Variants in C12orf76 observed in about 807,000 individuals in gnomAD.
The protein encoded by C12orf76 is chromosome 12 open reading frame 76.
C12orf76 carries 6 observed loss-of-function variants against 6.8 expected under a neutral mutation model. That is an observed-to-expected ratio of 0.88 (90% CI 0.48 to 1.73). The LOEUF (loss-of-function observed/expected upper bound fraction) is 1.73. Among genes scored for constraint, C12orf76 ranks in the 40% most tolerant of loss-of-function variants. C12orf76 has a pLI of 0.01. For missense variants in C12orf76, 99 were observed against 98.2 expected (o/e 1.01, Z -0.03); for synonymous variants, 56 against 43.7 (o/e 1.28, Z -1.11).
chr12:110,042,375 C>T lies in C12orf76; in HGVS notation c.218G>A (p.Ter73=), dbSNP rs368304966. Reference sequence around the variant, plus strand: ...CTCATTGAAGAACTTGTCTGGCTGTCACCGACGCCGAATGGGCTTGTAGAC... The same window carrying T: ...CTCATTGAAGAACTTGTCTGGCTGTTACCGACGCCGAATGGGCTTGTAGAC... ...FCVYKPIRRR[*] The change falls in exon 2 of 2, where the codon TGA becomes TAA. Residue 73 remains the stop codon, a stop_retained_variant. Transcript: ENST00000615315. 1.2e-6 allele frequency: 2 copies of T among 1,613,300 alleles called. No individual in the cohort carries two copies. Among genetic ancestry groups the T allele is most frequent in the African/African-American group, 2.7e-5 (2 of 74,914 alleles).
chr12:110,065,633 C>T (rs1892846049), intron 2 of C12orf76, among the ~76,000 whole-genome samples: 1 of 152,154 alleles, frequency 6.6e-6, no homozygotes, highest in Non-Finnish European at 1.5e-5. Context: ...GTCTCCATCC[C>T]TTGCATCTGG....
intron 3 of C12orf76, among the ~76,000 whole-genome samples, chr12:110,057,893 G>A (rs532872273): frequency 3.3e-5 from 5 of 151,548 alleles, no homozygotes; most frequent in South Asian, 4.2e-4. Context: ...GCAAAACCCC[G>A]TCTTTACTAA....
At chr12:110,053,775 G>T (rs1566075528), upstream of C12orf76, among the ~76,000 whole-genome samples, 1 of 152,116 alleles carries the variant, frequency 6.6e-6, no homozygotes, top group Admixed American at 6.6e-5. Context: ...TGGATAAATT[G>T]TTGGATTCAT....
chr12:110,066,629 C>T (rs1388557787), intron 1 of C12orf76, among the ~76,000 whole-genome samples: 1 of 151,544 alleles, frequency 6.6e-6, no homozygotes, highest in African/African-American at 2.4e-5. Flanking sequence ...CGGAGGTTGC[C>T]GTGAGCCAAG....
chr12:110,044,624 C>G (rs953636637), intron 1 of C12orf76: 4 of 154,014 alleles, frequency 2.6e-5, no homozygotes, highest in African/African-American at 9.6e-5. Flanking sequence ...CTGTGACCCC[C>G]CCACCCCACA....
upstream of C12orf76, chr12:110,051,184 A>G (rs1437665190): frequency 1.3e-6 from 1 of 778,308 alleles, no homozygotes; most frequent in Non-Finnish European, 2.4e-6. Flanking sequence ...CAGGCACAGG[A>G]AAGCATCAAT....
In C12orf76 at chr12:110,048,402, G is replaced by C. The variant is rs940991919; in HGVS notation, c.94C>G (p.Arg32Gly). 6.6e-6 allele frequency: 10 copies of C among 1,515,712 alleles called. No individual in the cohort carries two copies. Among genetic ancestry groups the C allele is most frequent in the Non-Finnish European group, 8.8e-6 (10 of 1,137,076 alleles). 93.9% of individuals were successfully genotyped at this position (1,515,712 alleles called of 1,614,324 possible). ...CGCAGCACCGCGTACGGCCGGCTCC[G>C]CTCCAGCGGATCCACGGGGCTCGGG... ...EAPSPVDPLE[R>G]SRPYAVLRGQ... The change falls in exon 1 of 2, where the codon CGG becomes GGG. Residue 32 changes from arginine to glycine, a missense_variant. Arg to Gly is a moderately radical substitution (Grantham distance 125). Coordinates refer to ENST00000615315, the MANE Select transcript of C12orf76 (RefSeq NM_001389625.1).
At chr12:110,053,188 C>CAA (rs1194301989), upstream of C12orf76, among the ~76,000 whole-genome samples, 24 of 86,612 alleles carry the variant, frequency 2.8e-4, no homozygotes, top group African/African-American at 8.3e-4. Flanking sequence ...TAGACTGTCT[C>CAA]AAAAAAAAAA....
chr12:110,069,412 C>T (rs1322007675), upstream of C12orf76, among the ~76,000 whole-genome samples: 4 of 152,218 alleles, frequency 2.6e-5, no homozygotes, highest in African/African-American at 9.6e-5. Flanking sequence ...CGCACTCCAG[C>T]CTGGGTGACA....
chr12:110,070,929 C>T (rs1892954527), upstream of C12orf76, among the ~76,000 whole-genome samples: 1 of 152,132 alleles, frequency 6.6e-6, no homozygotes, highest in African/African-American at 2.4e-5. Flanking sequence ...CACACACTAC[C>T]CCGCCCAACT....
At chr12:110,065,037 T>C (rs1390773343) in intron 2 of C12orf76, among the ~76,000 whole-genome samples, 1 of 152,188 alleles carries the variant, frequency 6.6e-6, no homozygotes, top group Non-Finnish European at 1.5e-5. Context: ...GTGTTAGACA[T>C]GAACAAAGGG....
At chr12:110,070,650 T>G (rs191266729), upstream of C12orf76, among the ~76,000 whole-genome samples, 1 of 152,318 alleles carries the variant, frequency 6.6e-6, no homozygotes, top group East Asian at 1.9e-4. Context: ...CTACATGGAA[T>G]TATGACATGT....
chr12:110,058,218 A>T (rs1278465902), intron 3 of C12orf76, among the ~76,000 whole-genome samples: 1 of 152,178 alleles, frequency 6.6e-6, no homozygotes, highest in African/African-American at 2.4e-5. Context: ...GCCACACTAC[A>T]GGCTGCAGGC....
exon 4 of C12orf76, chr12:110,057,231 G>C: frequency 1.2e-6 from 2 of 1,614,150 alleles, no homozygotes; most frequent in South Asian, 1.1e-5. Context: ...AGCATGGTTA[G>C]ATTGTTCTTC....
upstream of C12orf76, chr12:110,048,529 T>G (rs1422687984): frequency 7.2e-7 from 1 of 1,381,304 alleles, no homozygotes; most frequent in Non-Finnish European, 9.4e-7. Flanking sequence ...AGAGGCCACT[T>G]CCGTCGCAAG....
Position 110,048,418 on chromosome 12 carries a change from G to C in C12orf76, c.78C>G (p.Pro26=), listed in dbSNP as rs1313936914. 3 of 1,515,062 alleles carry C rather than the reference G, an allele frequency of 2.0e-6. No homozygotes were observed. Among genetic ancestry groups the C allele is most frequent in the African/African-American group, 2.8e-5 (2 of 71,048 alleles). The allele number at this position is 1,515,062 out of a possible 1,614,324, so 93.9% of individuals were successfully genotyped here. The part of the protein sequence containing the change: ...LLVGEAEAPS[P]VDPLERSRPY... ...GCCGGCTCCGCTCCAGCGGATCCAC[G>C]GGGCTCGGGGCCTCTGCCTCCCCCA... is the stretch of plus-strand genomic sequence containing the variant. Residue 26 remains proline, a synonymous_variant, in exon 1 of 2, where the codon CCC becomes CCG. Coordinates refer to ENST00000615315, the MANE Select transcript of C12orf76 (RefSeq NM_001389625.1).
chr12:110,068,274 GAAGAAGAAGAAGAAGAA>G (rs1892908826), upstream of C12orf76, among the ~76,000 whole-genome samples: 1 of 133,548 alleles, frequency 7.5e-6, no homozygotes, highest in African/African-American at 2.7e-5. Context: ...AGAAGAAGAA[GAAGAAGAAGAAGAAGAA>G]GAAGAAGAAG....
upstream of C12orf76, chr12:110,048,826 T>G (rs1421154075): frequency 1.6e-5 from 4 of 252,390 alleles, no homozygotes; most frequent in South Asian, 3.1e-4. Context: ...TATTGAAGAT[T>G]TTTTACGAAT....
chr12:110,048,601 C>T (rs982639023), upstream of C12orf76: 59 of 1,317,592 alleles, frequency 4.5e-5, no homozygotes, highest in African/African-American at 3.1e-4. Context: ...GGGCGCGCGT[C>T]ATTGCCATGG....
Sources: gnomAD v4.1 joint callset for allele counts (sites outside exome capture counted in the v4.1 genomes callset) on GRCh38, gnomAD v4.1.1 for gene constraint, MANE v1.5 for transcripts, NCBI Gene and HGNC (gene_info 2026-07-23, HGNC 2026-07-21) for gene names.